Variants in ANKRD44 observed in about 807,000 individuals in gnomAD.
The protein encoded by ANKRD44 is ankyrin repeat domain 44.
In ANKRD44, 35 loss-of-function variants were observed where a neutral mutation model predicts 116.0. The ratio of observed to expected loss-of-function variants is 0.30; its 90% CI spans 0.23 to 0.40. The LOEUF (loss-of-function observed/expected upper bound fraction) is 0.40, where lower values mean the gene tolerates loss of function less well. ANKRD44 is among the 10% of genes least tolerant of loss of function. ANKRD44 has a pLI of 1.00. For synonymous variants in ANKRD44, 435 were observed against 461.8 expected (o/e 0.94, Z 0.74); for missense variants, 1,014 against 1,242.6 (o/e 0.82, Z 2.77).
intron 16 of ANKRD44, among the ~76,000 whole-genome samples, chr2:197,069,523 G>A (rs1250349812): frequency 6.6e-6 from 1 of 152,018 alleles, no homozygotes; most frequent in Non-Finnish European, 1.5e-5. Flanking sequence ...TATTTTTGTG[G>A]GTATATGTCT....
At chr2:197,197,696 G>A (rs549718875) in intron 1 of ANKRD44, among the ~76,000 whole-genome samples, 33 of 151,678 alleles carry the variant, frequency 2.2e-4, no homozygotes, top group South Asian at 1.9e-3. Context: ...TGTAGTCCCA[G>A]CGACTCGGGA....
chr2:196,971,202 T>C (rs2075713514), intron 21 of ANKRD44, among the ~76,000 whole-genome samples: 1 of 152,358 alleles, frequency 6.6e-6, no homozygotes, highest in South Asian at 2.1e-4. Flanking sequence ...GAGTAGGTCC[T>C]GACATAACTT....
At chr2:197,215,545 G>A (rs763594312) in intron 1 of ANKRD44, among the ~76,000 whole-genome samples, 2 of 152,016 alleles carry the variant, frequency 1.3e-5, no homozygotes, top group Non-Finnish European at 2.9e-5. Context: ...GAAAATCTCC[G>A]CAAATAATTT....
chr2:196,976,857 G>T (rs978583624), intron 21 of ANKRD44, among the ~76,000 whole-genome samples: 16 of 147,334 alleles, frequency 1.1e-4, no homozygotes, highest in African/African-American at 4.0e-4. Flanking sequence ...AGCAGAGTGA[G>T]ATCTTGTCTC....
chr2:197,164,818 G>GTT (rs112837983), intron 2 of ANKRD44, among the ~76,000 whole-genome samples: 5 of 149,574 alleles, frequency 3.3e-5, no homozygotes, highest in African/African-American at 1.2e-4. Flanking sequence ...GGTTTTGAGG[G>GTT]TTTTTTTTTT....
chr2:197,002,723 A>G (rs1003410961), intron 21 of ANKRD44, among the ~76,000 whole-genome samples: 1 of 152,182 alleles, frequency 6.6e-6, no homozygotes, highest in Non-Finnish European at 1.5e-5. Flanking sequence ...CCCTCATTAC[A>G]GACCTGGTTA....
intron 4 of ANKRD44, among the ~76,000 whole-genome samples, chr2:197,131,282 C>T (rs2079089423): frequency 6.6e-6 from 1 of 151,432 alleles, no homozygotes; most frequent in South Asian, 2.1e-4. Flanking sequence ...AGCTCCGCCT[C>T]CCGGGTTCAC....
chr2:197,024,241 T>C (rs991046800), intron 17 of ANKRD44, among the ~76,000 whole-genome samples: 2 of 152,228 alleles, frequency 1.3e-5, no homozygotes, highest in Non-Finnish European at 2.9e-5. Context: ...TAGTATTAAG[T>C]GAAAAGTCAT....
At chr2:197,231,612 T>C (rs1421375600) in intron 1 of ANKRD44, among the ~76,000 whole-genome samples, 4 of 151,696 alleles carry the variant, frequency 2.6e-5, no homozygotes, top group Non-Finnish European at 5.9e-5. Flanking sequence ...ATATCTTTGA[T>C]TGTTAGCTTA....
At chr2:197,166,322 G>A (rs73991229) in intron 2 of ANKRD44, among the ~76,000 whole-genome samples, 8,671 of 152,172 alleles carry the variant, frequency 0.057, 821 homozygotes, top group African/African-American at 0.2. Context: ...ATCCAAAGAC[G>A]TGCTCTGAAG....
chr2:196,988,209 AT>A lies in ANKRD44; in HGVS notation c.*1381del, dbSNP rs1395106539. The A allele has an allele frequency of 5.1e-6, 5 of 985,420 alleles. No individual in the cohort carries two copies. Among genetic ancestry groups the A allele is most frequent in the East Asian group, 2.3e-4 (2 of 8,818 alleles). 61.0% of individuals were successfully genotyped at this position (985,420 alleles called of 1,614,324 possible). On this transcript the variant is annotated 3_prime_UTR_variant, in exon 28 of 28. Coordinates refer to ENST00000282272, the MANE Select transcript of ANKRD44 (RefSeq NM_001195144.2). Reference sequence around the variant, plus strand: ...GCTTTGCCATTAAAGCAAGCATTTCATTTCCTGCTTGAAATGCCAACTGAGC... The same window carrying A: ...GCTTTGCCATTAAAGCAAGCATTTCATTCCTGCTTGAAATGCCAACTGAGC...
chr2:196,994,185 C>CT (rs756350603), intron 26 of ANKRD44, among the ~76,000 whole-genome samples: 2 of 152,004 alleles, frequency 1.3e-5, no homozygotes, highest in Non-Finnish European at 2.9e-5. Flanking sequence ...GCTTAAGAAT[C>CT]TTTTTCTTTT....
chr2:196,993,406 G>A (rs868531904), intron 27 of ANKRD44, among the ~76,000 whole-genome samples, 177 bp downstream of exon 27: 2 of 152,222 alleles, frequency 1.3e-5, no homozygotes, highest in Non-Finnish European at 2.9e-5. Flanking sequence ...TAGACTATGT[G>A]ATTTACAAAA....
chr2:197,252,759 A>G (rs1288759806), intron 1 of ANKRD44, among the ~76,000 whole-genome samples: 1 of 152,226 alleles, frequency 6.6e-6, no homozygotes, highest in Non-Finnish European at 1.5e-5. Flanking sequence ...CTAAATCTTT[A>G]TAAGAACCAT....
chr2:196,993,560 C>G, intron 27 of ANKRD44, 23 bp downstream of exon 27: 1 of 1,535,798 alleles, frequency 6.5e-7, no homozygotes, highest in African/African-American at 1.4e-5. Flanking sequence ...TACCTGCAGT[C>G]GCTGTTGACT....
chr2:197,210,318 T>C (rs2081297151), intron 1 of ANKRD44, among the ~76,000 whole-genome samples: 1 of 152,208 alleles, frequency 6.6e-6, no homozygotes, highest in Non-Finnish European at 1.5e-5. Context: ...TTTCATACAT[T>C]ATATTGCTTC....
At chr2:197,206,755 T>A (rs1040135710) in intron 1 of ANKRD44, among the ~76,000 whole-genome samples, 4 of 152,172 alleles carry the variant, frequency 2.6e-5, no homozygotes, top group African/African-American at 9.7e-5. Context: ...TTGATTATGT[T>A]ATCAATAATA....
intron 2 of ANKRD44, among the ~76,000 whole-genome samples, chr2:197,163,050 T>C (rs1187145040): frequency 2.6e-5 from 4 of 152,168 alleles, no homozygotes; most frequent in African/African-American, 7.2e-5. Flanking sequence ...CATCTATCCC[T>C]AACCTTGAGT....
Position 197,008,951 on chromosome 2 carries a change from T to C in ANKRD44, c.2005A>G (p.Lys669Glu), listed in dbSNP as rs772539506. The C allele has an allele frequency of 6.2e-7, 1 of 1,614,112 alleles. No homozygotes were observed. Among genetic ancestry groups the C allele is most frequent in the Non-Finnish European group, 8.5e-7 (1 of 1,179,974 alleles). The change falls in exon 19 of 28, where the codon AAA becomes GAA. Residue 669 changes from lysine (K) to glutamate (E), a missense_variant. Physicochemically the swap from Lys to Glu is moderately conservative, Grantham distance 56 (BLOSUM62 1). Transcript: ENST00000282272. ...ACGTGTGAGCGCACTTACTGTCCTT[T>C]GGCATCTTTCACATCGACCGCCTCC... ...NPEAVDVKDAKGQTPLMLAVA... is the reference protein window; with the variant it reads ...NPEAVDVKDAEGQTPLMLAVA...
Sources: allele counts gnomAD v4.1 joint callset (sites outside exome capture counted in the v4.1 genomes callset), GRCh38; gene constraint gnomAD v4.1.1; transcripts MANE v1.5; gene names NCBI Gene and HGNC (gene_info 2026-07-23, HGNC 2026-07-21).